Variants in SMAD6 observed in about 807,000 individuals in gnomAD.
SMAD6 encodes the protein SMAD family member 6, also known as MAD homolog 6.
SMAD6 carries 103 observed loss-of-function variants against 39.4 expected under a neutral mutation model. The observed-to-expected ratio is 2.62, with a 90% confidence interval of 2.23 to 3.08. The LOEUF is 3.08. Ranked by LOEUF, SMAD6 falls within the 30% of genes most tolerant of loss-of-function variation. The pLI, the probability that SMAD6 is intolerant of heterozygous loss-of-function variation, is 0.00. For missense variants in SMAD6, 1,104 were observed against 742.9 expected (o/e 1.49, Z -5.65); for synonymous variants, 445 against 353.3 (o/e 1.26, Z -2.91).
rs968789453 is a variant in SMAD6 at position 66,727,568 on chromosome 15, C to G, written c.952+11070C>G. On this transcript the variant is annotated intron_variant, in intron 3 of 3. Coordinates refer to ENST00000288840, the MANE Select transcript of SMAD6 (RefSeq NM_005585.5). Reference sequence around the variant, plus strand: ...GCAGGAAGATGTGAGGACACTTGTTCTGGGAATGGGGAGTGATTCTGGCAG... The same window carrying G: ...GCAGGAAGATGTGAGGACACTTGTTGTGGGAATGGGGAGTGATTCTGGCAG... 4.6e-5 allele frequency among the ~76,000 whole-genome samples: 7 copies of G among 152,118 alleles called. No homozygotes were observed. In the East Asian group the frequency reaches 7.7e-4, roughly 17 times the overall value.
In SMAD6 at chr15:66,760,032, C is replaced by G. The variant is rs904336536; in HGVS notation, c.953-20965C>G. ...AAACGAGACCTTTCTGGCCTTGTCTCCTGCCCGTGTGCCTCTGCCCATGCC... is the reference window on the plus strand; with the variant it reads ...AAACGAGACCTTTCTGGCCTTGTCTGCTGCCCGTGTGCCTCTGCCCATGCC... On this transcript the variant is annotated intron_variant, in intron 3 of 3. Transcript: ENST00000288840. Among the ~76,000 whole-genome samples, 11 of 152,308 alleles carry G rather than the reference C, an allele frequency of 7.2e-5. No individual in the cohort carries two copies. In the East Asian group the frequency reaches 1.9e-3, roughly 27 times the overall value.
chr15:66,738,350 C>T (rs527698403), intron 3 of SMAD6, among the ~76,000 whole-genome samples: 8 of 152,284 alleles, frequency 5.3e-5, no homozygotes, highest in Admixed American at 3.3e-4. Flanking sequence ...AGGCTTAGCT[C>T]CGAACAGGAC....
intron 3 of SMAD6, among the ~76,000 whole-genome samples, chr15:66,738,217 G>A (rs944572958): frequency 1.3e-5 from 2 of 152,264 alleles, no homozygotes; most frequent in East Asian, 3.9e-4. Context: ...CCCCCTGCCC[G>A]TGGGAAGCTC....
intron 3 of SMAD6, among the ~76,000 whole-genome samples, chr15:66,744,619 G>C (rs924012368): frequency 2.6e-5 from 4 of 152,252 alleles, no homozygotes; most frequent in African/African-American, 9.6e-5. Flanking sequence ...AGTAAGGTTT[G>C]AGTCTTGTTC....
chr15:66,761,773 T>TC (rs1392160518), intron 3 of SMAD6, among the ~76,000 whole-genome samples: 2 of 152,140 alleles, frequency 1.3e-5, no homozygotes, highest in African/African-American at 4.8e-5. Context: ...TCCTTTAGAT[T>TC]CCCCTGGCTT....
At chr15:66,727,608 A>G (rs2140620619) in intron 3 of SMAD6, among the ~76,000 whole-genome samples, 1 of 152,228 alleles carries the variant, frequency 6.6e-6, no homozygotes, top group South Asian at 2.1e-4. Flanking sequence ...GTAAGGAATG[A>G]GCCCCACAGG....
In SMAD6 at chr15:66,711,947, C is replaced by T. The variant is rs74019731; in HGVS notation, c.874+223C>T. Reference sequence around the variant, plus strand: ...GCAGGCTATTTACATCTCGAAATTCCGCGGCTCATCATTAACCTCTCTGTG... The same window carrying T: ...GCAGGCTATTTACATCTCGAAATTCTGCGGCTCATCATTAACCTCTCTGTG... On this transcript the variant is annotated intron_variant, in intron 2 of 3. Transcript: ENST00000288840. Among the ~76,000 whole-genome samples, 416 of 152,282 alleles carry T rather than the reference C, an allele frequency of 2.7e-3. 1 individual carries two copies. Among genetic ancestry groups the T allele is most frequent in the African/African-American group, 9.3e-3 (386 of 41,544 alleles).
At chr15:66,751,930 G>A (rs1345623494) in intron 3 of SMAD6, among the ~76,000 whole-genome samples, 10 of 152,218 alleles carry the variant, frequency 6.6e-5, no homozygotes, top group African/African-American at 2.4e-4. Context: ...TCGGGCCTTG[G>A]AGGGCCAGCC....
At chr15:66,760,420 CTT>C (rs1894178054) in intron 3 of SMAD6, among the ~76,000 whole-genome samples, 2 of 152,204 alleles carry the variant, frequency 1.3e-5, no homozygotes, top group Admixed American at 6.5e-5. Context: ...CCGCCGGTGA[CTT>C]TGAAAATTAA....
Position 66,781,481 on chromosome 15 carries a change from G to C in SMAD6, c.1437G>C (p.Gln479His). The change falls in exon 4 of 4, where the codon CAG becomes CAC. Residue 479 changes from glutamine to histidine, a missense_variant. Coordinates refer to ENST00000288840, the MANE Select transcript of SMAD6 (RefSeq NM_005585.5). ...GCTGGGGGCCCTGCTACTCCCGGCA[G>C]TTCATCACCTCCTGCCCCTGCTGGC... ...AKGWGPCYSR[Q>H]FITSCPCWLE... The C allele has an allele frequency of 6.3e-7, 1 of 1,595,896 alleles. No homozygotes were observed. Among genetic ancestry groups the C allele is most frequent in the Non-Finnish European group, 8.5e-7 (1 of 1,173,292 alleles).
intron 3 of SMAD6, among the ~76,000 whole-genome samples, chr15:66,749,032 T>C (rs755592085): frequency 1.3e-5 from 2 of 152,182 alleles, no homozygotes; most frequent in Non-Finnish European, 2.9e-5. Context: ...GGTTCAAAAT[T>C]ACCAGAGTGG....
chr15:66,704,390 G>A (rs1595757915), intron 1 of SMAD6: 1 of 262,332 alleles, frequency 3.8e-6, no homozygotes, highest in Non-Finnish European at 7.2e-6. Context: ...GGCAGGCCAA[G>A]GAGAGACCAA....
chr15:66,766,951 T>G (rs1300493764), intron 3 of SMAD6, among the ~76,000 whole-genome samples: 3 of 152,222 alleles, frequency 2.0e-5, no homozygotes, highest in Non-Finnish European at 4.4e-5. Context: ...CTGACAGTTG[T>G]GATCACTGCC....
chr15:66,708,814 G>A (rs995784667), intron 1 of SMAD6: 25 of 450,314 alleles, frequency 5.6e-5, no homozygotes, highest in South Asian at 3.8e-4. Context: ...GTTTCTTTTT[G>A]CGATAAAAAA....
chr15:66,779,914 A>C (rs1045841998), intron 3 of SMAD6, among the ~76,000 whole-genome samples: 10 of 152,254 alleles, frequency 6.6e-5, no homozygotes, highest in African/African-American at 2.4e-4. Context: ...GCCAGATGTC[A>C]GAATCTGAGA....
At chr15:66,757,674 G>T (rs1894126702) in intron 3 of SMAD6, among the ~76,000 whole-genome samples, 1 of 152,210 alleles carries the variant, frequency 6.6e-6, no homozygotes, top group Non-Finnish European at 1.5e-5. Context: ...TTCTGAAGGT[G>T]GGGCCCCCTG....
At chr15:66,778,915 T>TGC (rs1894512409) in intron 3 of SMAD6, among the ~76,000 whole-genome samples, 1 of 152,234 alleles carries the variant, frequency 6.6e-6, no homozygotes, top group Non-Finnish European at 1.5e-5. Flanking sequence ...TCTCCCAGCA[T>TGC]ACTCCAGGCA....
chr15:66,751,113 GC>G (rs1489900669), intron 3 of SMAD6, among the ~76,000 whole-genome samples: 1 of 152,162 alleles, frequency 6.6e-6, no homozygotes, highest in Non-Finnish European at 1.5e-5. Flanking sequence ...TACTGAGAAC[GC>G]CCCGTGCCTG....
Position 66,708,758 on chromosome 15 carries a change from GGGTTT to G in SMAD6, c.818-2909_818-2905del, listed in dbSNP as rs1356954883. 3 of 471,072 alleles carry G rather than the reference GGGTTT, an allele frequency of 6.4e-6. No individual in the cohort carries two copies. The East Asian group carries it at 2.1e-4, about 33-fold the overall frequency. 29.2% of individuals were successfully genotyped at this position (471,072 alleles called of 1,614,324 possible). A position where few individuals can be genotyped will look rare whatever the true frequency, so the allele number is the denominator to read the frequency against. ...CACAAAGTAAGTTAGTGGTTGCCCA[GGGTTT>G]TGGGGTTGGGGTCTAGAAAGTGACT... On this transcript the variant is annotated intron_variant, in intron 1 of 3. Coordinates refer to ENST00000288840, the MANE Select transcript of SMAD6 (RefSeq NM_005585.5).
Sources: gnomAD v4.1 joint callset for allele counts (sites outside exome capture counted in the v4.1 genomes callset) on GRCh38, gnomAD v4.1.1 for gene constraint, MANE v1.5 for transcripts, NCBI Gene and HGNC (gene_info 2026-07-23, HGNC 2026-07-21) for gene names.